The following CNTNAP2 variants were observed in gnomAD, a reference collection of about 807,000 sequenced individuals.
CNTNAP2 encodes the protein contactin associated protein 2.
CNTNAP2 carries 98 observed loss-of-function variants against 155.2 expected under a neutral mutation model. That is an observed-to-expected ratio of 0.63 (90% CI 0.54 to 0.75). The LOEUF (loss-of-function observed/expected upper bound fraction) is 0.75, where lower values mean the gene tolerates loss of function less well. Among genes scored for constraint, CNTNAP2 ranks in the 30% least tolerant of loss-of-function variants. The pLI, the probability that CNTNAP2 is intolerant of heterozygous loss-of-function variation, is 0.00. For missense variants in CNTNAP2, 1,727 were observed against 1,688.1 expected (o/e 1.02, Z -0.40); for synonymous variants, 651 against 631.2 (o/e 1.03, Z -0.47).
At position 148,274,245 on chromosome 7, in the gene CNTNAP2, G is replaced by A. The variant is rs115024781; in HGVS notation, c.3475+7119G>A. ...GACTTGTGATGAACATATAGCATGA[G>A]ATAAAAAAAACTCCTTGCTTTGTTA... On this transcript the variant is annotated intron_variant, in intron 21 of 23. Coordinates refer to ENST00000361727, the MANE Select transcript of CNTNAP2 (RefSeq NM_014141.6). 7.5e-3 allele frequency among the ~76,000 whole-genome samples: 1,141 copies of A among 151,806 alleles called. 12 individuals are homozygous for A. Among genetic ancestry groups the A allele is most frequent in the African/African-American group, 0.026 (1,071 of 41,492 alleles).
chr7:148,383,633 TC>T lies in CNTNAP2; in HGVS notation c.3476-15del, dbSNP rs754940304. ...TGGTGAGTCAAGTAACATTTTCATTTCTTTTTTTCTTTTAGAAACAGGGAAA... is the reference window on the plus strand; with the variant it reads ...TGGTGAGTCAAGTAACATTTTCATTTTTTTTTTCTTTTAGAAACAGGGAAA... On this transcript the variant is annotated splice_polypyrimidine_tract_variant and intron_variant, in intron 21 of 23. Transcript: ENST00000361727. 1 of 1,614,208 alleles carries T rather than the reference TC, an allele frequency of 6.2e-7. No homozygotes were observed. Among genetic ancestry groups the T allele is most frequent in the South Asian group, 1.1e-5 (1 of 91,082 alleles).
intron 8 of CNTNAP2, among the ~76,000 whole-genome samples, chr7:147,183,154 A>G (rs79966077): frequency 2.7e-5 from 4 of 148,088 alleles, no homozygotes; most frequent in African/African-American, 2.5e-5. Context: ...AATGGTTAGA[A>G]AAAAAAAAAG....
At chr7:146,499,747 T>G (rs1021067281) in intron 1 of CNTNAP2, among the ~76,000 whole-genome samples, 9 of 152,170 alleles carry the variant, frequency 5.9e-5, no homozygotes, top group African/African-American at 2.2e-4. Flanking sequence ...CAGGATTAGC[T>G]TTCTAATTCT....
chr7:147,127,863 C>T lies in CNTNAP2; in HGVS notation c.940-830C>T, dbSNP rs375654112. The stretch of plus-strand genomic sequence containing the variant: ...TTGTATATCTTGATATTATAATTAG[C>T]GGTTGGCTTCATTTACTACTAATTC... On this transcript the variant is annotated intron_variant, in intron 6 of 23. Transcript: ENST00000361727. Among the ~76,000 whole-genome samples the T allele has an allele frequency of 1.2e-3, 175 of 152,164 alleles. 1 individual carries two copies. Among genetic ancestry groups the T allele is most frequent in the African/African-American group, 4.1e-3 (171 of 41,548 alleles).
At chr7:147,953,966 A>T (rs1192010662) in intron 14 of CNTNAP2, among the ~76,000 whole-genome samples, 1 of 152,202 alleles carries the variant, frequency 6.6e-6, no homozygotes, top group Non-Finnish European at 1.5e-5. Context: ...AGGGGTTAGA[A>T]CTTGAAAATA....
chr7:147,433,181 A>G (rs980461524), intron 10 of CNTNAP2, among the ~76,000 whole-genome samples: 1 of 152,226 alleles, frequency 6.6e-6, no homozygotes, highest in South Asian at 2.1e-4. Context: ...CTTTTATATC[A>G]TAATTTTTAA....
intron 3 of CNTNAP2, among the ~76,000 whole-genome samples, chr7:146,984,170 C>T (rs1462777859): frequency 6.6e-6 from 1 of 151,886 alleles, no homozygotes; most frequent in Non-Finnish European, 1.5e-5. Flanking sequence ...GAGTTCGAGA[C>T]CAGCCTGATC....
intron 1 of CNTNAP2, among the ~76,000 whole-genome samples, chr7:146,706,264 C>T (rs145259885): frequency 2.6e-5 from 4 of 152,144 alleles, no homozygotes; most frequent in Non-Finnish European, 4.4e-5. Context: ...TTGGTTCTAG[C>T]GATATTTGAG....
chr7:146,782,094 A>G (rs764918056), intron 2 of CNTNAP2: 3 of 152,176 alleles, frequency 2.0e-5, no homozygotes, highest in South Asian at 2.1e-4. Flanking sequence ...CAAGTTCCCA[A>G]TTGATGAGAT....
intron 3 of CNTNAP2, among the ~76,000 whole-genome samples, chr7:146,948,596 T>C (rs1404467014): frequency 2.6e-5 from 4 of 152,314 alleles, no homozygotes; most frequent in African/African-American, 9.6e-5. Context: ...ATGTTCACAT[T>C]ACAGTATATA....
intron 8 of CNTNAP2, among the ~76,000 whole-genome samples, chr7:147,193,186 A>G (rs1217689872): frequency 6.6e-6 from 1 of 152,200 alleles, no homozygotes; most frequent in African/African-American, 2.4e-5. Flanking sequence ...TTTTCTATCT[A>G]AAGCCTCATA....
intron 1 of CNTNAP2, among the ~76,000 whole-genome samples, chr7:146,520,143 AC>A: frequency 6.6e-6 from 1 of 151,400 alleles, no homozygotes; most frequent in East Asian, 1.9e-4. Flanking sequence ...ATGACCCAAA[AC>A]CTTTAATGAA....
chr7:146,403,298 G>T (rs749974007), intron 1 of CNTNAP2, among the ~76,000 whole-genome samples: 1 of 151,850 alleles, frequency 6.6e-6, no homozygotes, highest in Non-Finnish European at 1.5e-5. Context: ...TATCATATTC[G>T]GATGACATAA....
chr7:147,293,593 T>C (rs553128830), intron 8 of CNTNAP2, among the ~76,000 whole-genome samples: 67 of 152,294 alleles, frequency 4.4e-4, no homozygotes, highest in African/African-American at 1.6e-3. Context: ...CTCCAGTCAC[T>C]GTAATTTTAC....
At chr7:148,207,049 C>T (rs567287382) in intron 18 of CNTNAP2, among the ~76,000 whole-genome samples, 1 of 152,294 alleles carries the variant, frequency 6.6e-6, no homozygotes, top group South Asian at 2.1e-4. Flanking sequence ...CCCAACCCAC[C>T]GCAAACTCCG....
At chr7:148,415,385 C>G in intron 23 of CNTNAP2, 32 bp from the exon 24 acceptor site, 1 of 1,609,060 alleles carries the variant, frequency 6.2e-7, no homozygotes, top group Non-Finnish European at 8.5e-7. Flanking sequence ...CAAGCCCTGT[C>G]TAACCTCTCG....
chr7:146,910,533 T>G lies in CNTNAP2; in HGVS notation c.402+70629T>G, dbSNP rs1163642020. Among the ~76,000 whole-genome samples the G allele has an allele frequency of 1.6e-4, 24 of 151,294 alleles. No individual in the cohort carries two copies. The South Asian group carries it at 4.6e-3, about 29-fold the overall frequency. On this transcript the variant is annotated intron_variant, in intron 3 of 23. Transcript: ENST00000361727. ...ACAACTATCTGATCTTTGACAAACC[T>G]GAGAAAAACAAGCATTGGGGAAAGG...
intron 14 of CNTNAP2, among the ~76,000 whole-genome samples, chr7:147,973,137 G>A (rs1439437477): frequency 1.5e-5 from 2 of 130,406 alleles, no homozygotes; most frequent in Non-Finnish European, 3.1e-5. Flanking sequence ...CTGGGCAACA[G>A]AGCAAGACCC....
In CNTNAP2 at chr7:147,271,249, AGT is replaced by A. The variant is rs547617609; in HGVS notation, c.1349-28889_1349-28888del. 8.3e-3 allele frequency among the ~76,000 whole-genome samples: 1,270 copies of A among 152,328 alleles called. 24 individuals are homozygous for A. The highest frequency in any genetic ancestry group is 0.028 in the African/African-American group (1,182 of 41,564). On this transcript the variant is annotated intron_variant, in intron 8 of 23. Transcript: ENST00000361727. ...ATTCATTTGAGAAGCAGCAGGAATA[AGT>A]GTAGTTTTTTCCTCTCTCCATTGAA...
Sources: gnomAD v4.1 joint callset for allele counts (sites outside exome capture counted in the v4.1 genomes callset) on GRCh38, gnomAD v4.1.1 for gene constraint, MANE v1.5 for transcripts, NCBI Gene and HGNC (gene_info 2026-07-23, HGNC 2026-07-21) for gene names.